The following SYT4 variants were observed in gnomAD, a reference collection of about 807,000 sequenced individuals.
SYT4 encodes the protein synaptotagmin-4.
Under a neutral mutation model 32.9 loss-of-function variants are expected in SYT4, and 7 were observed. The ratio of observed to expected loss-of-function variants is 0.21; its 90% CI spans 0.12 to 0.40. SYT4 has a LOEUF of 0.40. Ranked by LOEUF, SYT4 falls within the 10% of genes least tolerant of loss-of-function variation. The probability of loss-of-function intolerance (pLI) is 1.00; values close to 1 mark genes in which losing one functional copy is unlikely to be tolerated. For synonymous variants in SYT4, 205 were observed against 186.2 expected (o/e 1.10, Z -0.82); for missense variants, 480 against 488.0 (o/e 0.98, Z 0.16).
In SYT4 at chr18:43,274,068, C is replaced by T. The variant is rs376231883; in HGVS notation, c.361G>A (p.Ala121Thr). ...KPGSPSDLEN[A>T]TPKLFLEGEK... ...CCTTCTAAAAAGAGCTTCGGGGTTG[C>T]ATTCTCCAGATCAGAAGGACTGCCA... The change falls in exon 2 of 4, where the codon GCA becomes ACA. Residue 121 changes from alanine to threonine, a missense_variant. Physicochemically the swap from Ala to Thr is moderately conservative, Grantham distance 58. Coordinates refer to ENST00000255224, the MANE Select transcript of SYT4 (RefSeq NM_020783.4). The T allele has an allele frequency of 1.2e-6, 2 of 1,614,070 alleles. No homozygotes were observed. The highest frequency in any genetic ancestry group is 2.2e-5 in the East Asian group (1 of 44,868).
At position 43,268,421 on chromosome 18, in the gene SYT4, A is replaced by T. The variant is rs989508724; in HGVS notation, c.*1920T>A. ...TTCATTGTTCCATGTTAAAAAAAAA[A>T]AAATCGGCCTCGTCCAACAACCATA... On this transcript the variant is annotated 3_prime_UTR_variant, in exon 4 of 4. Transcript: ENST00000255224. 6.6e-6 allele frequency: 1 copy of T among 152,334 alleles called. No individual in the cohort carries two copies. Among genetic ancestry groups the T allele is most frequent in the Admixed American group, 6.5e-5 (1 of 15,298 alleles). The allele number at this position is 152,334 out of a possible 1,614,324, so 9.4% of individuals were successfully genotyped here. A position where few individuals can be genotyped will look rare whatever the true frequency, so the allele number is the denominator to read the frequency against.
At chr18:43,275,773 T>A (rs939262173) in intron 1 of SYT4, among the ~76,000 whole-genome samples, 1 of 152,112 alleles carries the variant, frequency 6.6e-6, no homozygotes, top group African/African-American at 2.4e-5. Flanking sequence ...GAAATAAACC[T>A]TTGACTTCTC....
At position 43,267,991 on chromosome 18, in the gene SYT4, C is replaced by T. The variant is rs1484088049; in HGVS notation, c.*2350G>A. 6.6e-6 allele frequency: 1 copy of T among 152,232 alleles called. No homozygotes were observed. Among genetic ancestry groups the T allele is most frequent in the African/African-American group, 2.4e-5 (1 of 41,454 alleles). 9.4% of individuals were successfully genotyped at this position (152,232 alleles called of 1,614,324 possible). On this transcript the variant is annotated 3_prime_UTR_variant, in exon 4 of 4. Coordinates refer to ENST00000255224, the MANE Select transcript of SYT4 (RefSeq NM_020783.4). ...AACAGACACTGTCTCACACACCATG[C>T]TTCCTTCCAAAACACTTCTATTGAG...
At chr18:43,275,682 T>C (rs1191130854) in intron 1 of SYT4, among the ~76,000 whole-genome samples, 2 of 151,796 alleles carry the variant, frequency 1.3e-5, no homozygotes, top group Non-Finnish European at 1.5e-5. Context: ...AAAAGACAAA[T>C]GAAATAGAAG....
chr18:43,273,906 T>C lies in SYT4; in HGVS notation c.523A>G (p.Lys175Glu), dbSNP rs757467372. 6.2e-7 allele frequency: 1 copy of C among 1,614,044 alleles called. No individual in the cohort carries two copies. Among genetic ancestry groups the C allele is most frequent in the South Asian group, 1.1e-5 (1 of 91,080 alleles). ...ATGGCTGGCAAGCCACGGGCTTCCT[T>C]GATATTGACCACAAATGCTTTTCTC... is the stretch of plus-strand genomic sequence containing the variant. ...FERKAFVVNI[K>E]EARGLPAMDE... The change falls in exon 2 of 4, where the codon AAG becomes GAG. Residue 175 changes from lysine to glutamate, a missense_variant. Transcript: ENST00000255224.
intron 1 of SYT4, among the ~76,000 whole-genome samples, chr18:43,275,891 T>C (rs1321823168): frequency 6.9e-6 from 1 of 144,858 alleles, no homozygotes; most frequent in African/African-American, 2.5e-5. Flanking sequence ...CAAGTCTTTG[T>C]GAAAAAAAAA....
chr18:43,273,024 C>CAAAATAACTA (rs1247494231), intron 2 of SYT4, among the ~76,000 whole-genome samples: 1 of 152,010 alleles, frequency 6.6e-6, no homozygotes, highest in Non-Finnish European at 1.5e-5. Context: ...CCCAGAACTA[C>CAAAATAACTA]CAGAGTAGTG....
In SYT4 at chr18:43,268,264, C is replaced by A. The variant is rs1908514868; in HGVS notation, c.*2077G>T. ...GCCTGTTTCAATTCCTTTGTTGTTT[C>A]TTTTCTCTTTTCTGAAAACCAGTTG... On this transcript the variant is annotated 3_prime_UTR_variant, in exon 4 of 4. Transcript: ENST00000255224. 1 of 152,554 alleles carries A rather than the reference C, an allele frequency of 6.6e-6. No individual in the cohort carries two copies. The highest frequency in any genetic ancestry group is 1.5e-5 in the Non-Finnish European group (1 of 67,996). The allele number at this position is 152,554 out of a possible 1,614,324, so 9.5% of individuals were successfully genotyped here.
intron 2 of SYT4, 37 bp downstream of exon 2, chr18:43,273,543 T>C: frequency 1.4e-6 from 2 of 1,438,628 alleles, no homozygotes; most frequent in South Asian, 2.8e-5. Context: ...ACATAAAAGA[T>C]TGTTTATAAA....
At position 43,269,371 on chromosome 18, in the gene SYT4, T is replaced by C. The variant is rs2144363376; in HGVS notation, c.*970A>G. On this transcript the variant is annotated 3_prime_UTR_variant, in exon 4 of 4. Coordinates refer to ENST00000255224, the MANE Select transcript of SYT4 (RefSeq NM_020783.4). ...AGTCTTTTCAAGTAGCATCTTAATCTTTTCTGGGGGACAATAAATTAAATG... is the reference window on the plus strand; with the variant it reads ...AGTCTTTTCAAGTAGCATCTTAATCCTTTCTGGGGGACAATAAATTAAATG... 6.6e-6 allele frequency: 1 copy of C among 152,324 alleles called. No individual in the cohort carries two copies. Among genetic ancestry groups the C allele is most frequent in the South Asian group, 2.1e-4 (1 of 4,832 alleles). The allele number at this position is 152,324 out of a possible 1,614,324, so 9.4% of individuals were successfully genotyped here. A position where few individuals can be genotyped will look rare whatever the true frequency, so the allele number is the denominator to read the frequency against.
chr18:43,277,284 T>C lies in SYT4; in HGVS notation c.-3A>G, dbSNP rs762099714. On this transcript the variant is annotated 5_prime_UTR_variant, in exon 1 of 4. Transcript: ENST00000255224. ...CGGCTGGTGGTGATCGGAGCCATTTTTTACTGCGTGTTCTGTCCGAGGTGC... is the reference window on the plus strand; with the variant it reads ...CGGCTGGTGGTGATCGGAGCCATTTCTTACTGCGTGTTCTGTCCGAGGTGC... The C allele has an allele frequency of 3.1e-6, 5 of 1,614,074 alleles. No individual in the cohort carries two copies. The South Asian group carries it at 5.5e-5, about 18-fold the overall frequency.
At chr18:43,271,605 C>T in intron 3 of SYT4, 107 bp downstream of exon 3, 2 of 1,415,882 alleles carry the variant, frequency 1.4e-6, no homozygotes, top group Non-Finnish European at 1.9e-6. Flanking sequence ...ATAGCAGATA[C>T]ATAAGGTATT....
rs111274253 is a variant in SYT4 at position 43,274,184 on chromosome 18, T to C, written c.245A>G (p.Lys82Arg). ...KFGADDKNEV[K>R]NKPAVPKNSL... Reference sequence around the variant, plus strand: ...ATTCTTTGGCACAGCTGGCTTATTCTTTACTTCATTTTTATCATCTGCTCC... The same window carrying C: ...ATTCTTTGGCACAGCTGGCTTATTCCTTACTTCATTTTTATCATCTGCTCC... The change falls in exon 2 of 4, where the codon AAG becomes AGG. Residue 82 changes from lysine (K) to arginine (R), a missense_variant. By Grantham distance (26) the Lys-to-Arg change is conservative (BLOSUM62 2). Coordinates refer to ENST00000255224, the MANE Select transcript of SYT4 (RefSeq NM_020783.4). The C allele has an allele frequency of 5.0e-6, 8 of 1,614,038 alleles. No homozygotes were observed. The highest frequency in any genetic ancestry group is 4.0e-5 in the African/African-American group (3 of 75,044).
At chr18:43,273,417 C>A (rs539718111) in intron 2 of SYT4, among the ~76,000 whole-genome samples, 163 bp downstream of exon 2, 1 of 152,082 alleles carries the variant, frequency 6.6e-6, no homozygotes, top group African/African-American at 2.4e-5. Flanking sequence ...AATTTTATTT[C>A]ATCTGTTCTA....
In SYT4 at chr18:43,268,090, G is replaced by A. The variant is rs186904497; in HGVS notation, c.*2251C>T. On this transcript the variant is annotated 3_prime_UTR_variant, in exon 4 of 4. Coordinates refer to ENST00000255224, the MANE Select transcript of SYT4 (RefSeq NM_020783.4). Reference sequence around the variant, plus strand: ...ATGTATACCTCCCCATTTGGGTGGTGAGATTGGCTAATCAGACAAACAATT... The same window carrying A: ...ATGTATACCTCCCCATTTGGGTGGTAAGATTGGCTAATCAGACAAACAATT... 163 of 152,700 alleles carry A rather than the reference G, an allele frequency of 1.1e-3. 2 individuals carry two copies. Among genetic ancestry groups the A allele is most frequent in the East Asian group, 2.5e-3 (13 of 5,192 alleles). The allele number at this position is 152,700 out of a possible 1,614,324, so 9.5% of individuals were successfully genotyped here.
chr18:43,276,239 A>G (rs1473459913), intron 1 of SYT4, among the ~76,000 whole-genome samples: 1 of 152,098 alleles, frequency 6.6e-6, no homozygotes, highest in African/African-American at 2.4e-5. Context: ...AATGGCAAAC[A>G]TTTTCTATAA....
Position 43,269,614 on chromosome 18 carries a change from C to G in SYT4, c.*727G>C, listed in dbSNP as rs1163826872. ...GTGACAGGCAGTGAATAATCCAAGG[C>G]CATGGTTCTTATGTGAGGTTATATT... On this transcript the variant is annotated 3_prime_UTR_variant, in exon 4 of 4. Coordinates refer to ENST00000255224, the MANE Select transcript of SYT4 (RefSeq NM_020783.4). The G allele has an allele frequency of 1.3e-5, 2 of 152,582 alleles. No homozygotes were observed. Among genetic ancestry groups the G allele is most frequent in the African/African-American group, 2.4e-5 (1 of 41,414 alleles). The allele number at this position is 152,582 out of a possible 1,614,324, so 9.5% of individuals were successfully genotyped here.
Position 43,273,617 on chromosome 18 carries a change from A to G in SYT4, c.812T>C (p.Met271Thr). The change falls in exon 2 of 4, where the codon ATG (methionine) becomes ACG (threonine). Residue 271 changes from methionine (M) to threonine (T), a missense_variant. Coordinates refer to ENST00000255224, the MANE Select transcript of SYT4 (RefSeq NM_020783.4). ...CTTGATGATCTCTCTATTCATTAAC[A>G]TTTTTCCTTCAGATAATTCAATTCC... ...LSGIELSEGK[M>T]LMNREIIKRN... is the part of the protein sequence containing the mutation. 1 of 1,613,258 alleles carries G rather than the reference A, an allele frequency of 6.2e-7. No individual in the cohort carries two copies. Among genetic ancestry groups the G allele is most frequent in the African/African-American group, 1.3e-5 (1 of 74,972 alleles).
intron 1 of SYT4, among the ~76,000 whole-genome samples, chr18:43,276,583 G>A (rs1401785246): frequency 6.6e-6 from 1 of 152,164 alleles, no homozygotes; most frequent in African/African-American, 2.4e-5. Flanking sequence ...GTTTCCAGCA[G>A]CTTTTAGCTA....
Sources: allele counts gnomAD v4.1 joint callset (sites outside exome capture counted in the v4.1 genomes callset), GRCh38; gene constraint gnomAD v4.1.1; transcripts MANE v1.5; gene names NCBI Gene and HGNC (gene_info 2026-07-23, HGNC 2026-07-21).